Variants in FAM184A observed in about 807,000 individuals in gnomAD.
FAM184A encodes the protein protein FAM184A.
In FAM184A, 99 loss-of-function variants were observed where a neutral mutation model predicts 143.8. The ratio of observed to expected loss-of-function variants is 0.69; its 90% CI spans 0.58 to 0.81. The LOEUF is 0.81. FAM184A is among the 40% of genes least tolerant of loss of function. The probability of loss-of-function intolerance (pLI) is 0.00; values close to 1 mark genes in which losing one functional copy is unlikely to be tolerated. For missense variants in FAM184A, 1,217 were observed against 1,310.5 expected, an observed-to-expected ratio of 0.93 and a Z score of 1.10; for synonymous variants, 427 against 446.4, an observed-to-expected ratio of 0.96 and a Z score of 0.55.
rs930386936 is a variant in FAM184A at position 119,117,518 on chromosome 6, C to T, written c.-202+31560G>A. Among the ~76,000 whole-genome samples, 7 of 152,304 alleles carry T rather than the reference C, an allele frequency of 4.6e-5. 1 individual carries two copies. The South Asian group carries it at 1.5e-3, about 32-fold the overall frequency. On this transcript the variant is annotated intron_variant, in intron 1 of 16. Transcript: ENST00000352896. Reference sequence around the variant, plus strand: ...CAGGCGGCCTCTTCCACTGTGGTCACCTTGAGAGGCTATATCAGTTCTGTT... The same window carrying T: ...CAGGCGGCCTCTTCCACTGTGGTCATCTTGAGAGGCTATATCAGTTCTGTT...
At chr6:119,017,615 C>T (rs1227245181) in intron 4 of FAM184A, among the ~76,000 whole-genome samples, 2 of 152,024 alleles carry the variant, frequency 1.3e-5, no homozygotes, top group Non-Finnish European at 2.9e-5. Flanking sequence ...CAATTACGTA[C>T]CTTTTGGGCA....
At chr6:119,091,488 G>A (rs149956484) in intron 1 of FAM184A, among the ~76,000 whole-genome samples, 1 of 152,212 alleles carries the variant, frequency 6.6e-6, no homozygotes, top group Admixed American at 6.5e-5. Flanking sequence ...TGTGGATACT[G>A]TGGTATATGG....
At chr6:119,141,445 G>A (rs1374689841) in intron 1 of FAM184A, among the ~76,000 whole-genome samples, 2 of 152,192 alleles carry the variant, frequency 1.3e-5, no homozygotes, top group Admixed American at 6.5e-5. Flanking sequence ...TGGGCGGGGG[G>A]AGGATCCAGG....
intron 1 of FAM184A, among the ~76,000 whole-genome samples, chr6:119,132,249 C>A (rs1789553147): frequency 6.6e-6 from 1 of 152,170 alleles, no homozygotes; most frequent in African/African-American, 2.4e-5. Flanking sequence ...TGTTAGCCAT[C>A]CTGTAATAAC....
chr6:119,014,375 G>A (rs1562473375), intron 5 of FAM184A, among the ~76,000 whole-genome samples: 1 of 152,168 alleles, frequency 6.6e-6, no homozygotes, highest in Non-Finnish European at 1.5e-5. Flanking sequence ...ACAGTTAATA[G>A]GCAAAGAGCT....
chr6:119,070,390 A>G (rs1303444247), intron 1 of FAM184A, among the ~76,000 whole-genome samples: 4 of 152,188 alleles, frequency 2.6e-5, no homozygotes, highest in Non-Finnish European at 5.9e-5. Flanking sequence ...TACAACTGGC[A>G]ATCTCCAACT....
At chr6:119,063,757 T>TA (rs145913242) in intron 1 of FAM184A, among the ~76,000 whole-genome samples, 4,678 of 151,888 alleles carry the variant, frequency 0.031, 255 homozygotes, top group African/African-American at 0.11. Flanking sequence ...TCCCTCATAA[T>TA]AAAAAAAATG....
chr6:119,045,866 C>A (rs1786510927), intron 1 of FAM184A, among the ~76,000 whole-genome samples: 1 of 152,132 alleles, frequency 6.6e-6, no homozygotes, highest in African/African-American at 2.4e-5. Flanking sequence ...AATTATGCTT[C>A]TTTTTCTCTA....
intron 17 of FAM184A, among the ~76,000 whole-genome samples, chr6:118,961,513 A>G (rs1016244011): frequency 3.3e-5 from 5 of 151,972 alleles, no homozygotes; most frequent in Admixed American, 1.3e-4. Context: ...TTAAAATTCT[A>G]ATGATATAAA....
At chr6:119,127,256 A>G (rs1413281812) in intron 1 of FAM184A, among the ~76,000 whole-genome samples, 1 of 152,074 alleles carries the variant, frequency 6.6e-6, no homozygotes, top group Non-Finnish European at 1.5e-5. Flanking sequence ...TGGGCCTCAA[A>G]TTTCACCTGC....
intron 1 of FAM184A, among the ~76,000 whole-genome samples, chr6:119,107,735 G>A (rs1393888931): frequency 8.2e-5 from 12 of 146,022 alleles, no homozygotes; most frequent in East Asian, 6.1e-4. Context: ...CCGAGATCTC[G>A]CCACTGCACT....
At chr6:118,996,782 TC>T (rs1336789930) in intron 9 of FAM184A, among the ~76,000 whole-genome samples, 1 of 151,412 alleles carries the variant, frequency 6.6e-6, no homozygotes, top group Non-Finnish European at 1.5e-5. Flanking sequence ...TGGTGTGATC[TC>T]GGCTCACTGC....
At chr6:118,975,278 GA>G in intron 12 of FAM184A, 70 bp from the exon 13 acceptor site, 1 of 1,090,882 alleles carries the variant, frequency 9.2e-7, no homozygotes, top group Admixed American at 2.8e-5. Flanking sequence ...CTGCGGGAAA[GA>G]AAATGACACA....
Position 119,078,348 on chromosome 6 carries a change from G to C in FAM184A, c.-49C>G. The C allele has an allele frequency of 7.2e-7, 1 of 1,380,874 alleles. No homozygotes were observed. The highest frequency in any genetic ancestry group is 9.3e-7 in the Non-Finnish European group (1 of 1,073,548). 85.5% of individuals were successfully genotyped at this position (1,380,874 alleles called of 1,614,324 possible). ...GCACCTGTCCCCGCGGGTGGAGGCA[G>C]GCCCGTGGAGCAACGACGCCCGGGA... is the stretch of plus-strand genomic sequence containing the variant. On this transcript the variant is annotated 5_prime_UTR_variant, in exon 1 of 18. Coordinates refer to ENST00000338891, the MANE Select transcript of FAM184A (RefSeq NM_024581.6). This position sits in a 1 kb window ranked among gnomAD's most constrained non-coding sequence, Gnocchi z 5.5.
chr6:119,130,848 T>C (rs971869156), intron 1 of FAM184A, among the ~76,000 whole-genome samples: 6 of 137,320 alleles, frequency 4.4e-5, no homozygotes, highest in Non-Finnish European at 9.0e-5. Context: ...AGAATTGTAT[T>C]TCTTTTTTTC....
chr6:119,113,703 G>A (rs1344324611), intron 1 of FAM184A, among the ~76,000 whole-genome samples: 2 of 152,146 alleles, frequency 1.3e-5, no homozygotes, highest in Non-Finnish European at 1.5e-5. Context: ...CACTTTGGGA[G>A]GCCGAGGTGA....
At chr6:119,036,451 C>T (rs1786117285) in intron 1 of FAM184A, among the ~76,000 whole-genome samples, 1 of 151,998 alleles carries the variant, frequency 6.6e-6, no homozygotes, top group Non-Finnish European at 1.5e-5. Context: ...TATTTCCTCG[C>T]TGTATGATTC....
chr6:119,088,554 A>G (rs536244789), intron 1 of FAM184A, among the ~76,000 whole-genome samples: 125 of 152,336 alleles, frequency 8.2e-4, no homozygotes, highest in African/African-American at 2.9e-3. Context: ...TAGGCAGTCA[A>G]TGGAAAATGA....
chr6:118,991,260 T>A (rs1784369437), intron 9 of FAM184A, among the ~76,000 whole-genome samples: 3 of 151,924 alleles, frequency 2.0e-5, no homozygotes, highest in South Asian at 4.2e-4. Flanking sequence ...CCCCTTGGAT[T>A]GAAGCAATTT....
Sources: allele counts gnomAD v4.1 joint callset (sites outside exome capture counted in the v4.1 genomes callset), GRCh38; gene constraint gnomAD v4.1.1; non-coding constraint Gnocchi (gnomAD v3.1); transcripts MANE v1.5; gene names NCBI Gene and HGNC (gene_info 2026-07-23, HGNC 2026-07-21).